CYBB: variants seen among roughly 807,000 people sequenced by gnomAD.
CYBB encodes NADPH oxidase 2.
In CYBB, 5 loss-of-function variants were observed where a neutral mutation model predicts 46.5. The ratio of observed to expected loss-of-function variants is 0.11; its 90% CI spans 0.06 to 0.23. The LOEUF is 0.23. Among genes scored for constraint, CYBB ranks in the 10% least tolerant of loss-of-function variants. The pLI is 1.00. For missense variants in CYBB, 307 were observed against 428.3 expected (o/e 0.72, Z 2.50); for synonymous variants, 183 against 156.7 (o/e 1.17, Z -1.26).
At chrX:37,798,925 A>C (rs1556469142) in intron 6 of CYBB, 30 bp from the exon 7 acceptor site, 1 of 1,185,963 alleles carries the variant, frequency 8.4e-7, no homozygotes, top group Non-Finnish European at 1.1e-6. Context: ...TCCTATTACT[A>C]AATGATCTGG....
chrX:37,798,783 G>T (rs1569479553), intron 6 of CYBB, among the ~76,000 whole-genome samples, 172 bp from the exon 7 acceptor site: 1 of 112,172 alleles, frequency 8.9e-6, no homozygotes. Flanking sequence ...TTCTGTTGCT[G>T]AGTGTTATGC....
At chrX:37,793,922 A>C in intron 5 of CYBB, 112 bp downstream of exon 5, 1 of 694,158 alleles carries the variant, frequency 1.4e-6, no homozygotes, top group Non-Finnish European at 2.2e-6. Context: ...TTGGCTAACC[A>C]TCAGAGGGAC....
At chrX:37,802,626 G>T (rs782369643) in intron 8 of CYBB, among the ~76,000 whole-genome samples, 4 of 111,808 alleles carry the variant, frequency 3.6e-5, no homozygotes, top group Non-Finnish European at 5.6e-5. Flanking sequence ...TCAAAATGAA[G>T]CTTTACAACT....
chrX:37,809,827 A>G (rs1929635023), intron 12 of CYBB, 136 bp downstream of exon 12: 9 of 600,017 alleles, frequency 1.5e-5, no homozygotes, highest in Admixed American at 6.6e-5. Flanking sequence ...CATGCCCAAC[A>G]GAAGATTCCA....
At chrX:37,788,665 C>T (rs782192421) in intron 3 of CYBB, among the ~76,000 whole-genome samples, 1 of 111,108 alleles carries the variant, frequency 9.0e-6, no homozygotes, top group Non-Finnish European at 1.9e-5. Context: ...CGATGTCACA[C>T]GGCTAGGTGG....
intron 10 of CYBB, 29 bp from the exon 11 acceptor site, chrX:37,806,358 A>G: frequency 8.3e-7 from 1 of 1,207,131 alleles, no homozygotes; most frequent in Non-Finnish European, 1.1e-6. Flanking sequence ...GCCAAATATA[A>G]TCTGCTTCAT....
chrX:37,783,450 C>A, intron 2 of CYBB, 40 bp from the exon 3 acceptor site: 1 of 945,449 alleles, frequency 1.1e-6, no homozygotes, highest in Non-Finnish European at 1.5e-6. Context: ...ATATTCTGTG[C>A]TCAAAAAAGT....
At chrX:37,803,700 G>A (rs782190825) in intron 8 of CYBB, among the ~76,000 whole-genome samples, 177 bp from the exon 9 acceptor site, 16 of 111,373 alleles carry the variant, frequency 1.4e-4, no homozygotes, top group African/African-American at 4.9e-4. Context: ...CATTAGTAAT[G>A]GGCTACAACT....
intron 9 of CYBB, among the ~76,000 whole-genome samples, chrX:37,804,623 A>G (rs1214678675): frequency 1.8e-5 from 2 of 110,941 alleles, no homozygotes; most frequent in African/African-American, 6.6e-5. Flanking sequence ...TTAAATCTAC[A>G]AGATGTAATG....
intron 8 of CYBB, among the ~76,000 whole-genome samples, chrX:37,803,262 G>T (rs1015842467): frequency 9.1e-6 from 1 of 110,477 alleles, no homozygotes; most frequent in Admixed American, 9.6e-5. Context: ...AAGTTATTGC[G>T]GTTTTTGCCA....
At chrX:37,807,972 G>T (rs1411164031) in intron 11 of CYBB, among the ~76,000 whole-genome samples, 1 of 111,981 alleles carries the variant, frequency 8.9e-6, no homozygotes, top group East Asian at 2.8e-4. Flanking sequence ...ACAAGGTAAT[G>T]ATTCCTGGAG....
chrX:37,789,348 C>G (rs1173859898), intron 3 of CYBB, among the ~76,000 whole-genome samples: 1 of 110,154 alleles, frequency 9.1e-6, no homozygotes, highest in Admixed American at 9.8e-5. Context: ...TTTCACAGGT[C>G]CAAACTCAAG....
At chrX:37,792,131 C>A in intron 4 of CYBB, 72 bp downstream of exon 4, 1 of 683,413 alleles carries the variant, frequency 1.5e-6, no homozygotes, top group Non-Finnish European at 2.4e-6. Context: ...TATAGGAGAT[C>A]AACCAGTTTT....
At chrX:37,810,666 G>A (rs1220125686) in intron 12 of CYBB, 125 bp from the exon 13 acceptor site, 7 of 672,146 alleles carry the variant, frequency 1.0e-5, no homozygotes, top group African/African-American at 4.3e-5. Context: ...TGCTATTTGT[G>A]GAAAAGAAAA....
chrX:37,789,825 T>C (rs1199743432), intron 3 of CYBB, among the ~76,000 whole-genome samples: 1 of 112,603 alleles, frequency 8.9e-6, no homozygotes, highest in East Asian at 2.8e-4. Context: ...GTCTGAGTCA[T>C]TGCTCAGCTC....
Position 37,810,877 on chromosome X carries a change from C to T in CYBB, c.1673C>T (p.Pro558Leu). The T allele has an allele frequency of 1.7e-6, 2 of 1,208,099 alleles. No individual in the cohort carries two copies. Among genetic ancestry groups the T allele is most frequent in the Non-Finnish European group, 2.2e-6 (2 of 892,383 alleles). ...KQSISNSESG[P>L]RGVHFIFNKE... ...AGCATCTCCAACTCTGAGTCTGGCC[C>T]TCGGGGAGTGCATTTCATTTTCAAC... Residue 558 changes from proline to leucine, a missense_variant, in exon 13 of 13, where the codon CCT (proline) becomes CTT (leucine). Physicochemically the swap from Pro to Leu is moderately conservative, Grantham distance 98. Coordinates refer to ENST00000378588, the MANE Select transcript of CYBB (RefSeq NM_000397.4).
intron 1 of CYBB, 76 bp downstream of exon 1, chrX:37,780,198 T>C: frequency 1.1e-6 from 1 of 876,472 alleles, no homozygotes; most frequent in Non-Finnish European, 1.7e-6. Flanking sequence ...AGACCAAAGC[T>C]TTTTTGTTCA....
At chrX:37,793,059 T>C (rs1468875195) in intron 4 of CYBB, among the ~76,000 whole-genome samples, 1 of 105,863 alleles carries the variant, frequency 9.4e-6, no homozygotes, top group Non-Finnish European at 1.9e-5. Context: ...TGAGTCAATG[T>C]AAGGATTAAG....
intron 6 of CYBB, among the ~76,000 whole-genome samples, chrX:37,796,711 G>C (rs1364015503): frequency 8.9e-6 from 1 of 111,818 alleles, no homozygotes; most frequent in Non-Finnish European, 1.9e-5. Flanking sequence ...TCTGTGCTAA[G>C]GGTTTGACAT....
Sources: gnomAD v4.1 joint callset for allele counts (sites outside exome capture counted in the v4.1 genomes callset) on GRCh38, gnomAD v4.1.1 for gene constraint, MANE v1.5 for transcripts, NCBI Gene and HGNC (gene_info 2026-07-23, HGNC 2026-07-21) for gene names.